The following DNAH3 variants were observed in gnomAD, a reference collection of about 807,000 sequenced individuals.
DNAH3 encodes the protein axonemal beta dynein heavy chain 3.
DNAH3 carries 332 observed loss-of-function variants against 432.5 expected under a neutral mutation model. The ratio of observed to expected loss-of-function variants is 0.77; its 90% CI spans 0.70 to 0.84. The LOEUF (loss-of-function observed/expected upper bound fraction) is 0.84, where lower values mean the gene tolerates loss of function less well. Among genes scored for constraint, DNAH3 ranks in the 40% least tolerant of loss-of-function variants. The pLI, the probability that DNAH3 is intolerant of heterozygous loss-of-function variation, is 0.00. For missense variants in DNAH3, 4,861 were observed against 5,114.0 expected, an observed-to-expected ratio of 0.95 and a Z score of 1.51; for synonymous variants, 1,956 against 1,900.2, an observed-to-expected ratio of 1.03 and a Z score of -0.76.
In DNAH3 at chr16:21,070,871, C is replaced by T. The variant is rs753289418; in HGVS notation, c.3085-45G>A. 1.6e-5 allele frequency: 20 copies of T among 1,214,360 alleles called. No homozygotes were observed. In the East Asian group the frequency reaches 2.1e-4, roughly 13 times the overall value. The allele number at this position is 1,214,360 out of a possible 1,614,324, so 75.2% of individuals were successfully genotyped here. On this transcript the variant is annotated intron_variant, in intron 21 of 61. Transcript: ENST00000261383. ...ACCCTGTCAAGATTGTGAAACCTCC[C>T]CATTTTTCTTTTCCTTTTTTAAAAA...
exon 52 of DNAH3, chr16:20,969,823 C>T (rs1472380832): frequency 1.9e-6 from 3 of 1,614,192 alleles, no homozygotes; most frequent in Non-Finnish European, 2.5e-6. Flanking sequence ...TCCTCTCTGG[C>T]TTCATCCCTT....
Position 21,111,985 on chromosome 16 carries a change from T to C in DNAH3, c.1920+8A>G. The C allele has an allele frequency of 6.2e-7, 1 of 1,611,544 alleles. No individual in the cohort carries two copies. The highest frequency in any genetic ancestry group is 8.5e-7 in the Non-Finnish European group (1 of 1,178,198). On this transcript the variant is annotated splice_region_variant and intron_variant, in intron 13 of 61. Transcript: ENST00000261383. ...CCAAGGTATAAAATCTCAAGTGGCA[T>C]TTCCTACCGTCACAAAATCATCAAT...
intron 58 of DNAH3, among the ~76,000 whole-genome samples, chr16:20,941,908 A>G (rs1413346216): frequency 1.3e-5 from 2 of 151,904 alleles, no homozygotes; most frequent in Non-Finnish European, 2.9e-5. Flanking sequence ...AAATACAAAA[A>G]TTAGCCATTA....
At chr16:21,129,155 C>T (rs1433205529) in intron 7 of DNAH3, 1 of 153,098 alleles carries the variant, frequency 6.5e-6, no homozygotes, top group African/African-American at 2.4e-5. Flanking sequence ...CCCTCCCCAT[C>T]TCCTCTCCTA....
intron 41 of DNAH3, among the ~76,000 whole-genome samples, chr16:21,004,674 C>T (rs985486508): frequency 2.0e-5 from 3 of 151,716 alleles, no homozygotes; most frequent in Admixed American, 1.3e-4. Flanking sequence ...AGCCCTTCCC[C>T]GTCTCTTTCT....
At chr16:20,984,183 A>G (rs369791497) in intron 48 of DNAH3, among the ~76,000 whole-genome samples, 4 of 140,864 alleles carry the variant, frequency 2.8e-5, no homozygotes, top group South Asian at 2.3e-4. Flanking sequence ...GTGTGTGTAT[A>G]TGTGTGCACG....
At position 20,975,218 on chromosome 16, in the gene DNAH3, T is replaced by C; in HGVS notation, c.8259+15A>G. 1 of 1,611,940 alleles carries C rather than the reference T, an allele frequency of 6.2e-7. No individual in the cohort carries two copies. Among genetic ancestry groups the C allele is most frequent in the Non-Finnish European group, 8.5e-7 (1 of 1,179,684 alleles). On this transcript the variant is annotated intron_variant, in intron 51 of 61. Coordinates refer to ENST00000261383, the Ensembl canonical transcript of DNAH3. ...GGCAGCACCAGTTCCCTCCCTTTCT[T>C]CTCAGTCTTTCTACCTTGATTCCTT...
At chr16:20,966,562 C>T (rs1223280279) in intron 52 of DNAH3, among the ~76,000 whole-genome samples, 1 of 152,196 alleles carries the variant, frequency 6.6e-6, no homozygotes, top group Admixed American at 6.5e-5. Context: ...CAATTATTAT[C>T]TACCATCTAC....
chr16:21,153,961 C>T (rs1030559393), intron 1 of DNAH3, among the ~76,000 whole-genome samples: 17 of 152,146 alleles, frequency 1.1e-4, no homozygotes, highest in East Asian at 1.9e-4. Flanking sequence ...AGTATACATA[C>T]GGTTTCAAAT....
intron 1 of DNAH3, among the ~76,000 whole-genome samples, chr16:21,159,001 AACAC>A (rs891430869): frequency 7.3e-6 from 1 of 137,896 alleles, no homozygotes; most frequent in African/African-American, 2.7e-5. Context: ...GCCACCCCCC[AACAC>A]ACACACACAT....
chr16:20,963,067 G>A (rs2084895430), intron 53 of DNAH3, among the ~76,000 whole-genome samples: 2 of 152,296 alleles, frequency 1.3e-5, no homozygotes, highest in Non-Finnish European at 1.5e-5. Flanking sequence ...TAGCAATTCT[G>A]GGCTTACATT....
chr16:21,136,671 T>C, intron 5 of DNAH3, 158 bp from the exon 7 acceptor site: 1 of 685,828 alleles, frequency 1.5e-6, no homozygotes. Flanking sequence ...TTCACACTCA[T>C]GGCAAGAAGA....
rs375290310 is a variant in DNAH3 at position 21,152,914 on chromosome 16, C to A, written c.117+6411G>T. Among the ~76,000 whole-genome samples, 36 of 152,346 alleles carry A rather than the reference C, an allele frequency of 2.4e-4. 1 individual carries two copies. In the South Asian group the frequency reaches 3.9e-3, roughly 17 times the overall value. ...TGGGCTCCTGTGCTGCCCGAGCCTC[C>A]CCGACGAGCGCCACCCCCTGCTCCA... On this transcript the variant is annotated intron_variant, in intron 1 of 61. Transcript: ENST00000261383.
At chr16:20,957,510 C>T (rs1289593413) in intron 54 of DNAH3, among the ~76,000 whole-genome samples, 4 of 151,932 alleles carry the variant, frequency 2.6e-5, no homozygotes, top group African/African-American at 7.3e-5. Flanking sequence ...TGCTCTCTGC[C>T]CTGGTATAAG....
At chr16:21,024,768 G>T in intron 38 of DNAH3, 67 bp from the exon 39 acceptor site, 1 of 1,235,326 alleles carries the variant, frequency 8.1e-7, no homozygotes, top group African/African-American at 1.5e-5. Flanking sequence ...AACATTTATT[G>T]AGCAATCTAC....
chr16:20,955,919 CTTATTT>C (rs991018399), intron 54 of DNAH3, among the ~76,000 whole-genome samples: 77 of 151,288 alleles, frequency 5.1e-4, no homozygotes, highest in African/African-American at 1.8e-3. Context: ...TTATTTTTAT[CTTATTT>C]TATTTTTATT....
chr16:20,942,117 C>T (rs958163667), intron 58 of DNAH3, among the ~76,000 whole-genome samples: 6 of 151,704 alleles, frequency 4.0e-5, no homozygotes, highest in African/African-American at 9.7e-5. Flanking sequence ...AGGCAAGAGC[C>T]GAAGGGCCAG....
rs201082331 is a variant in DNAH3 at position 21,067,248 on chromosome 16, A to C, written c.3518+35T>G. 4 of 1,612,034 alleles carry C rather than the reference A, an allele frequency of 2.5e-6. No individual in the cohort carries two copies. In the East Asian group the frequency reaches 6.7e-5, roughly 27 times the overall value. ...TAATTCTACCTACATATGGGGCAAG[A>C]ATGTAATTCCAAATAAAAGAACAAT... On this transcript the variant is annotated intron_variant, in intron 24 of 61. Transcript: ENST00000261383.
At chr16:21,119,169 G>A (rs114897309) in intron 11 of DNAH3, among the ~76,000 whole-genome samples, 253 of 152,328 alleles carry the variant, frequency 1.7e-3, no homozygotes, top group African/African-American at 5.3e-3. Context: ...GTTTAGGGCA[G>A]CACAATTGGT....
Sources: allele counts gnomAD v4.1 joint callset (sites outside exome capture counted in the v4.1 genomes callset), GRCh38; gene constraint gnomAD v4.1.1; transcripts MANE v1.5; gene names NCBI Gene and HGNC (gene_info 2026-07-23, HGNC 2026-07-21).